Variants in FAF1 observed in about 807,000 individuals in gnomAD.
The protein encoded by FAF1 is Fas associated factor 1.
In FAF1, 25 loss-of-function variants were observed where a neutral mutation model predicts 92.5. That is an observed-to-expected ratio of 0.27 (90% CI 0.20 to 0.38). The LOEUF is 0.38. FAF1 is among the 10% of genes least tolerant of loss of function. The pLI is 1.00. For synonymous variants in FAF1, 234 were observed against 273.2 expected, an observed-to-expected ratio of 0.86 and a Z score of 1.42; for missense variants, 636 against 793.3, an observed-to-expected ratio of 0.80 and a Z score of 2.38.
At chr1:50,660,593 A>C (rs991137098) in intron 7 of FAF1, among the ~76,000 whole-genome samples, 7 of 151,578 alleles carry the variant, frequency 4.6e-5, no homozygotes, top group Non-Finnish European at 1.0e-4. Flanking sequence ...TCCTGGATTC[A>C]AGCGATTCTC....
At chr1:50,906,037 C>T (rs1285414629) in intron 1 of FAF1, among the ~76,000 whole-genome samples, 3 of 152,046 alleles carry the variant, frequency 2.0e-5, no homozygotes, top group African/African-American at 7.2e-5. Flanking sequence ...CTTTAATCCA[C>T]CTTGAATTAA....
intron 7 of FAF1, among the ~76,000 whole-genome samples, chr1:50,669,479 T>A (rs915983105): frequency 6.6e-6 from 1 of 152,128 alleles, no homozygotes; most frequent in Admixed American, 6.5e-5. Context: ...ACTTAAAAGT[T>A]TTAAGGTAAA....
chr1:50,508,330 A>G (rs1310285463), intron 15 of FAF1, among the ~76,000 whole-genome samples: 1 of 152,260 alleles, frequency 6.6e-6, no homozygotes, highest in Non-Finnish European at 1.5e-5. Flanking sequence ...ATGTGGAAAC[A>G]ATCTGAATGT....
chr1:50,556,013 A>T (rs775765232), intron 13 of FAF1, among the ~76,000 whole-genome samples: 3 of 151,678 alleles, frequency 2.0e-5, no homozygotes, highest in Non-Finnish European at 4.4e-5. Context: ...GTGTATATAT[A>T]ATAGAATACA....
intron 2 of FAF1, among the ~76,000 whole-genome samples, chr1:50,839,192 A>G (rs1286718744): frequency 6.6e-6 from 1 of 152,148 alleles, no homozygotes; most frequent in Non-Finnish European, 1.5e-5. Flanking sequence ...AGCAGAAAAA[A>G]AAAGGAGTTC....
chr1:50,662,758 C>T (rs1049152439), intron 7 of FAF1, among the ~76,000 whole-genome samples: 1 of 114,310 alleles, frequency 8.7e-6, no homozygotes, highest in South Asian at 3.0e-4. Flanking sequence ...AGTGCAGCGG[C>T]GGGATCTTGG....
chr1:50,858,308 T>C (rs967523456), intron 1 of FAF1, among the ~76,000 whole-genome samples: 15 of 152,000 alleles, frequency 9.9e-5, no homozygotes, highest in African/African-American at 3.4e-4. Context: ...AAGATTCTCA[T>C]GGGCAACCAC....
chr1:50,875,227 T>G (rs1343884448), intron 1 of FAF1, among the ~76,000 whole-genome samples: 2 of 152,074 alleles, frequency 1.3e-5, no homozygotes, highest in East Asian at 3.8e-4. Flanking sequence ...TTTTATTTAT[T>G]TTCAGACTGT....
chr1:50,717,382 C>T (rs1658221354), intron 6 of FAF1, among the ~76,000 whole-genome samples: 1 of 152,072 alleles, frequency 6.6e-6, no homozygotes, highest in Non-Finnish European at 1.5e-5. Context: ...CTCTTTCTGC[C>T]TTGGGAGGAC....
intron 8 of FAF1, among the ~76,000 whole-genome samples, chr1:50,634,585 A>T (rs1244854285): frequency 6.6e-6 from 1 of 152,170 alleles, no homozygotes; most frequent in African/African-American, 2.4e-5. Flanking sequence ...TGCCAACAAG[A>T]CCTTTCTCTG....
chr1:50,635,552 A>G (rs1653969813), intron 8 of FAF1, among the ~76,000 whole-genome samples: 1 of 152,082 alleles, frequency 6.6e-6, no homozygotes, highest in Non-Finnish European at 1.5e-5. Flanking sequence ...CAGCCTCCTG[A>G]GTAGCTGCGA....
At chr1:50,453,361 C>T (rs1646315915) in intron 18 of FAF1, among the ~76,000 whole-genome samples, 2 of 152,186 alleles carry the variant, frequency 1.3e-5, no homozygotes, top group African/African-American at 4.8e-5. Context: ...TGCACGCAAA[C>T]ACCACTCAAG....
chr1:50,473,662 T>C (rs1040849449), intron 18 of FAF1, among the ~76,000 whole-genome samples: 19 of 152,150 alleles, frequency 1.2e-4, no homozygotes, highest in African/African-American at 4.6e-4. Flanking sequence ...TTGTGCATGT[T>C]TGTGTGCCTT....
In FAF1 at chr1:50,887,319, G is replaced by T. The variant is rs531536039; in HGVS notation, c.46-29322C>A. On this transcript the variant is annotated intron_variant, in intron 1 of 18. Transcript: ENST00000396153. ...AGATTGAAAAAATTTTCTCCCATTC[G>T]GTAGGTTGCCTGTTCACTCTGATGG... 2.8e-4 allele frequency among the ~76,000 whole-genome samples: 43 copies of T among 152,070 alleles called. No homozygotes were observed. The South Asian group carries it at 5.2e-3, about 18-fold the overall frequency.
intron 7 of FAF1, among the ~76,000 whole-genome samples, chr1:50,694,434 A>C (rs141763666): frequency 1.2e-4 from 18 of 152,130 alleles, no homozygotes; most frequent in Admixed American, 2.6e-4. Context: ...GTTTTCATTA[A>C]AAAAATCAGG....
intron 6 of FAF1, among the ~76,000 whole-genome samples, chr1:50,718,034 T>TATTTATTTATTC (rs1258339246): frequency 1.6e-5 from 2 of 125,486 alleles, no homozygotes; most frequent in African/African-American, 5.6e-5. Context: ...TTTATTTATT[T>TATTTATTTATTC]ATTGAGACGG....
intron 7 of FAF1, among the ~76,000 whole-genome samples, chr1:50,668,479 T>G (rs532143871): frequency 6.6e-6 from 1 of 152,178 alleles, no homozygotes; most frequent in Non-Finnish European, 1.5e-5. Flanking sequence ...AAAGCCTATC[T>G]TAAGAAAAGT....
chr1:50,568,770 T>C (rs1361124295), intron 12 of FAF1, among the ~76,000 whole-genome samples: 1 of 152,164 alleles, frequency 6.6e-6, no homozygotes, highest in East Asian at 1.9e-4. Flanking sequence ...TCTCTGATAC[T>C]ACAGTGGTAG....
At chr1:50,702,471 T>G (rs777090832) in intron 7 of FAF1, among the ~76,000 whole-genome samples, 3 of 152,106 alleles carry the variant, frequency 2.0e-5, no homozygotes, top group Non-Finnish European at 4.4e-5. Flanking sequence ...TACTGTCACA[T>G]TCTTTGATAT....
Sources: gnomAD v4.1 joint callset for allele counts (sites outside exome capture counted in the v4.1 genomes callset) on GRCh38, gnomAD v4.1.1 for gene constraint, MANE v1.5 for transcripts, NCBI Gene and HGNC (gene_info 2026-07-23, HGNC 2026-07-21) for gene names.